Variants in ANKS1B observed in about 807,000 individuals in gnomAD.
ANKS1B encodes ankyrin repeat and sterile alpha motif domain containing 1B.
In ANKS1B, 36 loss-of-function variants were observed where a neutral mutation model predicts 148.3. That is an observed-to-expected ratio of 0.24 (90% CI 0.19 to 0.32). The LOEUF (loss-of-function observed/expected upper bound fraction) is 0.32, where lower values mean the gene tolerates loss of function less well. Ranked by LOEUF, ANKS1B falls within the 10% of genes least tolerant of loss-of-function variation. ANKS1B has a pLI of 1.00. For missense variants in ANKS1B, 1,157 were observed against 1,542.6 expected (o/e 0.75, Z 4.19); for synonymous variants, 542 against 560.8 (o/e 0.97, Z 0.47).
rs1340449489 is a variant in ANKS1B at position 99,480,098 on chromosome 12, TAAGA to T, written c.1438+24374_1438+24377del. Among the ~76,000 whole-genome samples, 9 of 151,898 alleles carry T rather than the reference TAAGA, an allele frequency of 5.9e-5. No homozygotes were observed. In the East Asian group the frequency reaches 1.7e-3, roughly 29 times the overall value. ...TGACTAGGACATAGAGTATACCCTATAAGAGAGAGACATAAATAACATGCATGTA... is the reference window on the plus strand; with the variant it reads ...TGACTAGGACATAGAGTATACCCTATGAGAGACATAAATAACATGCATGTA... On this transcript the variant is annotated intron_variant, in intron 10 of 26. Coordinates refer to ENST00000683438, the MANE Select transcript of ANKS1B (RefSeq NM_001352186.2).
At chr12:99,784,372 TC>T (rs1256182815) in intron 4 of ANKS1B, among the ~76,000 whole-genome samples, 4 of 151,920 alleles carry the variant, frequency 2.6e-5, no homozygotes, top group African/African-American at 9.7e-5. Flanking sequence ...TGGGGTTTCA[TC>T]ATGTTAGCCA....
intron 14 of ANKS1B, among the ~76,000 whole-genome samples, chr12:99,216,214 G>GT (rs2084160815): frequency 6.6e-6 from 1 of 152,194 alleles, no homozygotes; most frequent in Admixed American, 6.5e-5. Flanking sequence ...ATGTGGAACT[G>GT]TGAGTCCATT....
intron 9 of ANKS1B, among the ~76,000 whole-genome samples, chr12:99,572,019 T>C (rs1477605092): frequency 6.6e-6 from 1 of 152,080 alleles, no homozygotes; most frequent in African/African-American, 2.4e-5. Context: ...TTGAGAAGAA[T>C]TTGATGCAAA....
At chr12:98,944,647 C>CTA (rs1384656309) in intron 17 of ANKS1B, among the ~76,000 whole-genome samples, 1 of 152,204 alleles carries the variant, frequency 6.6e-6, no homozygotes, top group Non-Finnish European at 1.5e-5. Context: ...TCCCAACTGT[C>CTA]TACTGTCTGT....
At chr12:99,360,200 A>T (rs1321405623) in intron 12 of ANKS1B, among the ~76,000 whole-genome samples, 1 of 152,158 alleles carries the variant, frequency 6.6e-6, no homozygotes, top group Non-Finnish European at 1.5e-5. Flanking sequence ...TTTGACATCC[A>T]TCTTTGTCAC....
chr12:98,758,932 G>A (rs1180674308), intron 25 of ANKS1B, among the ~76,000 whole-genome samples: 1 of 143,282 alleles, frequency 7.0e-6, no homozygotes, highest in Non-Finnish European at 1.6e-5. Context: ...AGGCGTGCAC[G>A]CCTGGCTAAT....
intron 10 of ANKS1B, among the ~76,000 whole-genome samples, chr12:99,467,679 C>T (rs2096150435): frequency 6.6e-6 from 1 of 152,080 alleles, no homozygotes; most frequent in Admixed American, 6.6e-5. Flanking sequence ...TGAGTGAACT[C>T]CCATTCACAA....
intron 17 of ANKS1B, among the ~76,000 whole-genome samples, chr12:98,949,021 C>T (rs955835076): frequency 7.4e-6 from 1 of 135,426 alleles, no homozygotes; most frequent in Non-Finnish European, 1.5e-5. Context: ...GGCGTGATCT[C>T]GGCTCACTGC....
At chr12:99,363,681 G>T (rs140825595) in intron 12 of ANKS1B, among the ~76,000 whole-genome samples, 1 of 152,074 alleles carries the variant, frequency 6.6e-6, no homozygotes, top group East Asian at 1.9e-4. Context: ...ATAAGCTTCC[G>T]ACCTCCAAAA....
intron 17 of ANKS1B, among the ~76,000 whole-genome samples, chr12:98,860,772 C>T (rs187659132): frequency 1.3e-5 from 2 of 152,164 alleles, no homozygotes; most frequent in East Asian, 3.9e-4. Context: ...GCATGTTGGG[C>T]TTAATAACTA....
intron 12 of ANKS1B, among the ~76,000 whole-genome samples, chr12:99,304,273 T>A (rs2082056229): frequency 6.6e-6 from 1 of 152,096 alleles, no homozygotes; most frequent in African/African-American, 2.4e-5. Flanking sequence ...CATGCCAACA[T>A]CTATTATTTT....
At chr12:99,743,387 T>A (rs2153583683) in intron 8 of ANKS1B, among the ~76,000 whole-genome samples, 1 of 152,314 alleles carries the variant, frequency 6.6e-6, no homozygotes, top group East Asian at 1.9e-4. Context: ...TAAGTATAAC[T>A]TTGTCTCCAT....
At chr12:99,850,500 C>T (rs2087616847) in intron 1 of ANKS1B, among the ~76,000 whole-genome samples, 1 of 151,894 alleles carries the variant, frequency 6.6e-6, no homozygotes, top group Non-Finnish European at 1.5e-5. Flanking sequence ...CAAAGTAACC[C>T]AAATTCTCTA....
At chr12:98,894,436 C>G (rs1009443354) in intron 17 of ANKS1B, among the ~76,000 whole-genome samples, 3 of 152,018 alleles carry the variant, frequency 2.0e-5, no homozygotes, top group East Asian at 1.9e-4. Flanking sequence ...AAAAAAAAAG[C>G]CCCCCTCCCG....
chr12:98,764,800 C>T (rs940194454), intron 25 of ANKS1B, among the ~76,000 whole-genome samples: 2 of 152,188 alleles, frequency 1.3e-5, no homozygotes, highest in African/African-American at 2.4e-5. Context: ...TTCCAACCTG[C>T]GCGTCCCTCC....
intron 9 of ANKS1B, among the ~76,000 whole-genome samples, chr12:99,558,805 G>A (rs1004566684): frequency 2.0e-5 from 3 of 152,146 alleles, no homozygotes; most frequent in African/African-American, 4.8e-5. Flanking sequence ...AAAGCCTCCT[G>A]GAGGAGCATG....
At chr12:99,177,856 A>G (rs73373870) in intron 14 of ANKS1B, among the ~76,000 whole-genome samples, 11,124 of 152,238 alleles carry the variant, frequency 0.073, 1,313 homozygotes, top group African/African-American at 0.25. Context: ...TACTACCACA[A>G]TCTTTACAAG....
At chr12:99,326,497 CCTT>C (rs1172038631) in intron 12 of ANKS1B, among the ~76,000 whole-genome samples, 1 of 133,044 alleles carries the variant, frequency 7.5e-6, no homozygotes, top group Non-Finnish European at 1.5e-5. Context: ...TAATTTCACT[CCTT>C]CTTCTCTCTG....
At chr12:99,245,008 C>T (rs907402290) in intron 13 of ANKS1B, among the ~76,000 whole-genome samples, 18 of 152,198 alleles carry the variant, frequency 1.2e-4, no homozygotes, top group Non-Finnish European at 2.5e-4. Flanking sequence ...GCATATGCCA[C>T]CACACCTGGC....
Sources: allele counts gnomAD v4.1 joint callset (sites outside exome capture counted in the v4.1 genomes callset), GRCh38; gene constraint gnomAD v4.1.1; transcripts MANE v1.5; gene names NCBI Gene and HGNC (gene_info 2026-07-23, HGNC 2026-07-21).